DRC11: variants seen among roughly 807,000 people sequenced by gnomAD.
The protein encoded by DRC11 is IQ and AAA domain-containing protein 1.
chr2:236,441,105 G>C, the DRC11 span: 16 of 1,559,090 alleles, frequency 1.0e-5, no homozygotes, highest in Non-Finnish European at 1.4e-5. Context: ...GGGTAGTCAG[G>C]AAATGTCCCG....
chr2:236,399,507 T>A, the DRC11 span: 1 of 1,609,838 alleles, frequency 6.2e-7, no homozygotes. This position sits in a 1 kb window ranked among gnomAD's most constrained non-coding sequence, Gnocchi z 7.0. Context: ...AGCAGAATAT[T>A]TTCGTTAATC....
the DRC11 span, among the ~76,000 whole-genome samples, chr2:236,425,465 G>A: frequency 2.0e-5 from 3 of 151,954 alleles, no homozygotes; most frequent in African/African-American, 7.3e-5. Context: ...GTCTATTCAT[G>A]TCCTTTGCCC....
At chr2:236,377,712 GTGA>G in the DRC11 span, among the ~76,000 whole-genome samples, 1 of 152,178 alleles carries the variant, frequency 6.6e-6, no homozygotes, top group Admixed American at 6.5e-5. The surrounding 1 kb of genome is among the most constrained non-coding windows in gnomAD (Gnocchi z 4.9). Flanking sequence ...AGCAATGAGG[GTGA>G]TGATTTTTTA....
At chr2:236,382,610 A>AT in the DRC11 span, among the ~76,000 whole-genome samples, 1 of 152,078 alleles carries the variant, frequency 6.6e-6, no homozygotes, top group Admixed American at 6.6e-5. Flanking sequence ...ATCTGCTTTG[A>AT]TTTCTTTACT....
the DRC11 span, among the ~76,000 whole-genome samples, chr2:236,354,579 CA>C: frequency 6.6e-6 from 1 of 152,134 alleles, no homozygotes; most frequent in Non-Finnish European, 1.5e-5. Context: ...AGCCTGTGTG[CA>C]AAGCCATTCT....
At chr2:236,398,071 A>G in the DRC11 span, among the ~76,000 whole-genome samples, 4 of 152,220 alleles carry the variant, frequency 2.6e-5, no homozygotes, top group African/African-American at 9.6e-5. The surrounding 1 kb of genome is among the most constrained non-coding windows in gnomAD (Gnocchi z 6.2). Context: ...TGCCCATACG[A>G]GGAGAGCAAC....
the DRC11 span, chr2:236,343,589 G>T: frequency 8.0e-5 from 47 of 590,672 alleles, no homozygotes; most frequent in African/African-American, 8.4e-4. This position sits in a 1 kb window ranked among gnomAD's most constrained non-coding sequence, Gnocchi z 6.6. Flanking sequence ...GAATGAGCCA[G>T]GTTTCTGATA....
At chr2:236,327,840 G>T in the DRC11 span, among the ~76,000 whole-genome samples, 1 of 151,802 alleles carries the variant, frequency 6.6e-6, no homozygotes, top group South Asian at 2.1e-4. Context: ...GTGCCACCAC[G>T]TCCAGCTAAT....
the DRC11 span, among the ~76,000 whole-genome samples, chr2:236,479,587 CAAAG>C: frequency 2.0e-5 from 3 of 152,236 alleles, no homozygotes; most frequent in Admixed American, 1.3e-4. This position sits in a 1 kb window ranked among gnomAD's most constrained non-coding sequence, Gnocchi z 4.1. Flanking sequence ...CCTTTGATCA[CAAAG>C]AAAGGCATAG....
chr2:236,496,179 T>G, the DRC11 span, among the ~76,000 whole-genome samples: 1 of 152,248 alleles, frequency 6.6e-6, no homozygotes, highest in Admixed American at 6.5e-5. The surrounding 1 kb of genome is among the most constrained non-coding windows in gnomAD (Gnocchi z 6.3). Context: ...GATTGGCCCA[T>G]GCTCTTATAG....
the DRC11 span, among the ~76,000 whole-genome samples, chr2:236,310,019 C>T: frequency 7.9e-5 from 12 of 152,214 alleles, no homozygotes. This position sits in a 1 kb window ranked among gnomAD's most constrained non-coding sequence, Gnocchi z 5.5. Context: ...TGCCTGCCCG[C>T]AGTTTGATCA....
chr2:236,408,244 C>A, the DRC11 span: 2 of 844,776 alleles, frequency 2.4e-6, no homozygotes, highest in East Asian at 2.4e-5. The surrounding 1 kb of genome is among the most constrained non-coding windows in gnomAD (Gnocchi z 5.5). Flanking sequence ...GATCTCAGTG[C>A]GGTGATGGTA....
At chr2:236,442,502 C>T in the DRC11 span, among the ~76,000 whole-genome samples, 1 of 152,194 alleles carries the variant, frequency 6.6e-6, no homozygotes, top group Admixed American at 6.5e-5. Flanking sequence ...TTCCTACAGG[C>T]TAGCTGTGAT....
chr2:236,505,348 C>G, the DRC11 span, among the ~76,000 whole-genome samples: 1 of 152,156 alleles, frequency 6.6e-6, no homozygotes, highest in Admixed American at 6.5e-5. Context: ...TTATTTTGCA[C>G]AAGATAAAAC....
the DRC11 span, among the ~76,000 whole-genome samples, chr2:236,334,342 T>G: frequency 1.3e-5 from 2 of 152,130 alleles, no homozygotes; most frequent in Non-Finnish European, 2.9e-5. This position sits in a 1 kb window ranked among gnomAD's most constrained non-coding sequence, Gnocchi z 7.8. Flanking sequence ...GGGTGGAGAC[T>G]GGAGCCGGCA....
At chr2:236,491,182 C>CACACAGTATATATATATATATATATATAT in the DRC11 span, among the ~76,000 whole-genome samples, 1 of 38,492 alleles carries the variant, frequency 2.6e-5, no homozygotes, top group Non-Finnish European at 4.9e-5. Context: ...TATATATATA[C>CACACAGTATATATATATATATATATATAT]ACACAGTATA....
At chr2:236,370,123 A>G in the DRC11 span, among the ~76,000 whole-genome samples, 1 of 152,204 alleles carries the variant, frequency 6.6e-6, no homozygotes, top group Non-Finnish European at 1.5e-5. This position sits in a 1 kb window ranked among gnomAD's most constrained non-coding sequence, Gnocchi z 5.5. Context: ...CTTATAAAAA[A>G]GGAGAAATTT....
At chr2:236,463,502 A>G in the DRC11 span, among the ~76,000 whole-genome samples, 11 of 152,224 alleles carry the variant, frequency 7.2e-5, no homozygotes, top group Admixed American at 7.2e-4. This position sits in a 1 kb window ranked among gnomAD's most constrained non-coding sequence, Gnocchi z 5.0. Flanking sequence ...AAAAGTCATC[A>G]CTTTTAAAAT....
the DRC11 span, among the ~76,000 whole-genome samples, chr2:236,479,171 T>C: frequency 9.8e-3 from 1,492 of 152,268 alleles, 34 homozygotes; most frequent in African/African-American, 0.034. This position sits in a 1 kb window ranked among gnomAD's most constrained non-coding sequence, Gnocchi z 4.1. Flanking sequence ...ATTCCTGTCC[T>C]TTTTTTCCAT....
Sources: gnomAD v4.1 joint callset for allele counts (sites outside exome capture counted in the v4.1 genomes callset) on GRCh38, gnomAD v4.1.1 for gene constraint, Gnocchi (gnomAD v3.1) non-coding constraint, MANE v1.5 for transcripts, NCBI Gene and HGNC (gene_info 2026-07-23, HGNC 2026-07-21) for gene names.